LARP4B: variants seen among roughly 807,000 people sequenced by gnomAD.
The protein encoded by LARP4B is La ribonucleoprotein 4B, also known as la-related protein 4B.
Under a neutral mutation model 89.8 loss-of-function variants are expected in LARP4B, and 12 were observed. The observed-to-expected ratio is 0.13, with a 90% CI of 0.09 to 0.22. The LOEUF is 0.22. Among genes scored for constraint, LARP4B ranks in the 10% least tolerant of loss-of-function variants. The probability of loss-of-function intolerance (pLI) is 1.00; values close to 1 mark genes in which losing one functional copy is unlikely to be tolerated. For missense variants in LARP4B, 757 were observed against 947.7 expected, an observed-to-expected ratio of 0.80 and a Z score of 2.64; for synonymous variants, 367 against 363.3, an observed-to-expected ratio of 1.01 and a Z score of -0.12.
intron 7 of LARP4B, 70 bp from the exon 8 acceptor site, chr10:836,576 C>T: frequency 2.1e-6 from 2 of 956,850 alleles, no homozygotes; most frequent in Non-Finnish European, 1.7e-6. Context: ...GAATGTGTTA[C>T]ATTATATTAC....
chr10:957,241 C>T, the LARP4B span, among the ~76,000 whole-genome samples: 3 of 152,196 alleles, frequency 2.0e-5, no homozygotes, highest in Admixed American at 2.0e-4. Context: ...CAGCTCACTG[C>T]AACCTGCACC....
chr10:908,508 G>T (rs899566838), intron 1 of LARP4B, among the ~76,000 whole-genome samples: 1 of 151,988 alleles, frequency 6.6e-6, no homozygotes, highest in African/African-American at 2.4e-5. Context: ...CATCAGAAGG[G>T]GCAGTCTTGT....
At chr10:843,289 C>G (rs1349209601) in intron 6 of LARP4B, among the ~76,000 whole-genome samples, 6 of 152,178 alleles carry the variant, frequency 3.9e-5, no homozygotes, top group Admixed American at 3.9e-4. Context: ...TAAAAGTATA[C>G]TGTACTTTCT....
At chr10:871,916 A>G (rs1050150724) in intron 3 of LARP4B, among the ~76,000 whole-genome samples, 3 of 151,980 alleles carry the variant, frequency 2.0e-5, no homozygotes, top group Middle Eastern at 3.2e-3. Flanking sequence ...AACTGTTACC[A>G]CCTCCGGGTC....
chr10:927,208 G>A (rs1369896702), intron 1 of LARP4B, among the ~76,000 whole-genome samples: 1 of 152,136 alleles, frequency 6.6e-6, no homozygotes, highest in Non-Finnish European at 1.5e-5. Context: ...AGCCATGACA[G>A]CTTCACCAGA....
chr10:884,242 G>C (rs967704584), intron 3 of LARP4B, among the ~76,000 whole-genome samples: 1 of 152,206 alleles, frequency 6.6e-6, no homozygotes, highest in African/African-American at 2.4e-5. Context: ...ACACAAAACA[G>C]ACACGCACAG....
chr10:919,063 T>C (rs1173932206), intron 1 of LARP4B, among the ~76,000 whole-genome samples: 3 of 152,090 alleles, frequency 2.0e-5, no homozygotes, highest in Non-Finnish European at 4.4e-5. Flanking sequence ...CCTGGGCAAC[T>C]GAGTGAGACT....
intron 1 of LARP4B, among the ~76,000 whole-genome samples, chr10:904,624 A>G (rs907897248): frequency 6.6e-6 from 1 of 152,182 alleles, no homozygotes; most frequent in Non-Finnish European, 1.5e-5. Context: ...ATAAAAATAC[A>G]TAAAACACAG....
In LARP4B at chr10:825,388, T is replaced by A. The variant is rs1323907910; in HGVS notation, c.1233-72A>T. ...GCATTACATAACATGCATACTGACA[T>A]GGAATAGCTAAGCTGAAATCTGCTC... On this transcript the variant is annotated intron_variant, in intron 12 of 17. Coordinates refer to ENST00000316157, the MANE Select transcript of LARP4B (RefSeq NM_015155.3). 8.2e-6 allele frequency: 12 copies of A among 1,457,920 alleles called. No individual in the cohort carries two copies. In the African/African-American group the frequency reaches 9.8e-5, roughly 12 times the overall value. The allele number at this position is 1,457,920 out of a possible 1,614,324, so 90.3% of individuals were successfully genotyped here. A position where few individuals can be genotyped will look rare whatever the true frequency, so the allele number is the denominator to read the frequency against.
chr10:874,427 A>C (rs1835374395), intron 3 of LARP4B, among the ~76,000 whole-genome samples: 2 of 152,210 alleles, frequency 1.3e-5, no homozygotes, highest in Non-Finnish European at 2.9e-5. Context: ...AGAACTAGAA[A>C]GTCTCTTGAA....
the LARP4B span, among the ~76,000 whole-genome samples, chr10:949,886 C>T: frequency 6.6e-6 from 1 of 152,210 alleles, no homozygotes; most frequent in Admixed American, 6.5e-5. Flanking sequence ...CAGCTCTCTG[C>T]AGCCTCAGCC....
the LARP4B span, among the ~76,000 whole-genome samples, chr10:953,886 C>T: frequency 1.3e-5 from 2 of 152,236 alleles, no homozygotes; most frequent in Admixed American, 1.3e-4. Flanking sequence ...AGAGGACTAA[C>T]AGGACATGAA....
At chr10:942,646 A>C in the LARP4B span, 3 of 151,964 alleles carry the variant, frequency 2.0e-5, no homozygotes, top group African/African-American at 7.3e-5. Context: ...CTCCACCCCC[A>C]CCCACAGTCC....
intron 3 of LARP4B, chr10:873,251 C>G: frequency 4.1e-6 from 4 of 985,346 alleles, no homozygotes; most frequent in Non-Finnish European, 4.8e-6. Context: ...CACCCAGAGA[C>G]CAAAAATAAC....
chr10:957,672 A>G, the LARP4B span, among the ~76,000 whole-genome samples: 1 of 152,160 alleles, frequency 6.6e-6, no homozygotes, highest in East Asian at 1.9e-4. Flanking sequence ...TGACACTCAA[A>G]TATAATAAAA....
At chr10:974,210 C>A in the LARP4B span, among the ~76,000 whole-genome samples, 6 of 152,024 alleles carry the variant, frequency 3.9e-5, no homozygotes, top group African/African-American at 1.4e-4. Context: ...CCAGGAGGGG[C>A]AGTGGTCAAG....
At chr10:861,735 C>G (rs1834626941) in intron 5 of LARP4B, among the ~76,000 whole-genome samples, 1 of 152,188 alleles carries the variant, frequency 6.6e-6, no homozygotes, top group Non-Finnish European at 1.5e-5. Flanking sequence ...CTTCCATCCT[C>G]AAGACAGATC....
rs748628482 is a variant in LARP4B, at chr10:814,723, G to A, written c.1929+19C>T. On this transcript the variant is annotated intron_variant, in intron 17 of 17. Coordinates refer to ENST00000316157, the MANE Select transcript of LARP4B (RefSeq NM_015155.3). This position sits in a 1 kb window ranked among gnomAD's most constrained non-coding sequence, Gnocchi z 4.4. Reference sequence around the variant, plus strand: ...AGCCTCGCGGCTGTCGTGCAGGAAGGCAGGCACGAGGTACGTACCGTGGCG... The same window carrying A: ...AGCCTCGCGGCTGTCGTGCAGGAAGACAGGCACGAGGTACGTACCGTGGCG... 6.3e-7 allele frequency: 1 copy of A among 1,575,714 alleles called. No individual in the cohort carries two copies. Among genetic ancestry groups the A allele is most frequent in the South Asian group, 1.2e-5 (1 of 86,334 alleles).
chr10:838,981 C>T (rs927120052), intron 7 of LARP4B, among the ~76,000 whole-genome samples: 14 of 152,160 alleles, frequency 9.2e-5, no homozygotes, highest in Admixed American at 5.2e-4. Flanking sequence ...GAACCTTCAA[C>T]ATATATTGCT....
Sources: allele counts gnomAD v4.1 joint callset (sites outside exome capture counted in the v4.1 genomes callset), GRCh38; gene constraint gnomAD v4.1.1; non-coding constraint Gnocchi (gnomAD v3.1); transcripts MANE v1.5; gene names NCBI Gene and HGNC (gene_info 2026-07-23, HGNC 2026-07-21).